Variants in PRKN observed in about 807,000 individuals in gnomAD.
The protein encoded by PRKN is parkin RBR E3 ubiquitin protein ligase.
A neutral mutation model predicts 59.5 loss-of-function variants in PRKN; 56 were observed. The observed-to-expected ratio is 0.94, with a 90% CI of 0.76 to 1.18. The LOEUF (loss-of-function observed/expected upper bound fraction) is 1.18. PRKN is among the 50% of genes most tolerant of loss of function. PRKN has a pLI of 0.00. For missense variants in PRKN, 657 were observed against 596.4 expected, an observed-to-expected ratio of 1.10 and a Z score of -1.06; for synonymous variants, 250 against 222.1, an observed-to-expected ratio of 1.13 and a Z score of -1.12.
chr6:162,658,658 C>CAAAAAAA (rs57853171), intron 1 of PRKN, among the ~76,000 whole-genome samples: 4 of 109,096 alleles, frequency 3.7e-5, no homozygotes, highest in Non-Finnish European at 7.4e-5. Context: ...GAGACTCTGT[C>CAAAAAAA]AAAAAAAAAA....
At position 161,467,216 on chromosome 6, in the gene PRKN, A is replaced by T. The variant is rs1178562939; in HGVS notation, c.1084-80339T>A. Among the ~76,000 whole-genome samples the T allele has an allele frequency of 6.6e-6, 1 of 152,136 alleles. No individual in the cohort carries two copies. Among genetic ancestry groups the T allele is most frequent in the African/African-American group, 2.4e-5 (1 of 41,414 alleles). On this transcript the variant is annotated intron_variant, in intron 9 of 11. Transcript: ENST00000366898. This position sits in a 1 kb window ranked among gnomAD's most constrained non-coding sequence, Gnocchi z 4.3. ...TGGCATTTTGAGAGAGACTTCTTCC[A>T]TCTACACCCTTCTGTCTTAAGTATA... is the stretch of plus-strand genomic sequence containing the variant.
chr6:162,109,825 T>C (rs1780346125), intron 4 of PRKN, among the ~76,000 whole-genome samples: 1 of 152,228 alleles, frequency 6.6e-6, no homozygotes, highest in South Asian at 2.1e-4. Context: ...AGTCAAACTG[T>C]TTCCTGGTAC....
intron 9 of PRKN, among the ~76,000 whole-genome samples, chr6:161,505,431 T>A (rs1583164229): frequency 6.6e-6 from 1 of 151,462 alleles, no homozygotes; most frequent in Non-Finnish European, 1.5e-5. Context: ...ATTAGCCCTT[T>A]GTCAGATGAG....
chr6:161,954,099 C>A (rs1251603514), intron 6 of PRKN, among the ~76,000 whole-genome samples: 1 of 152,130 alleles, frequency 6.6e-6, no homozygotes, highest in African/African-American at 2.4e-5. Flanking sequence ...TAAGTTTGGG[C>A]AGGAAGAGAT....
intron 6 of PRKN, among the ~76,000 whole-genome samples, chr6:161,795,228 C>CTTTTTTTTTTTTTT (rs58319044): frequency 2.7e-4 from 35 of 128,394 alleles, no homozygotes; most frequent in East Asian, 6.9e-4. Context: ...GTTTTCTTTT[C>CTTTTTTTTTTTTTT]TTTTTTTTTT....
At chr6:161,563,755 T>C (rs1461879925) in intron 8 of PRKN, among the ~76,000 whole-genome samples, 1 of 152,110 alleles carries the variant, frequency 6.6e-6, no homozygotes, top group Non-Finnish European at 1.5e-5. Flanking sequence ...AAATTAGAGG[T>C]CTGCTGTGGG....
intron 4 of PRKN, among the ~76,000 whole-genome samples, chr6:162,160,482 T>C (rs1003969396): frequency 2.0e-5 from 3 of 152,138 alleles, no homozygotes; most frequent in African/African-American, 7.2e-5. Context: ...ATGATAGCAG[T>C]GATAGTTTCA....
At position 162,026,878 on chromosome 6, in the gene PRKN, A is replaced by G. The variant is rs183840581; in HGVS notation, c.618+27213T>C. On this transcript the variant is annotated intron_variant, in intron 5 of 11. Transcript: ENST00000366898. ...TTAATAGCTTGCTTTTCATAAAATA[A>G]TGATGGTGAGAAGTTAATATTTATT... 2.8e-4 allele frequency among the ~76,000 whole-genome samples: 43 copies of G among 152,316 alleles called. No homozygotes were observed. In the East Asian group the frequency reaches 7.1e-3, roughly 25 times the overall value.
chr6:162,119,409 A>T (rs143984343), intron 4 of PRKN, among the ~76,000 whole-genome samples: 1 of 152,016 alleles, frequency 6.6e-6, no homozygotes, highest in African/African-American at 2.4e-5. Flanking sequence ...ACTCTTCCAC[A>T]CTCTGCTCTG....
intron 4 of PRKN, among the ~76,000 whole-genome samples, chr6:162,074,942 T>C (rs1778757877): frequency 6.6e-6 from 1 of 152,214 alleles, no homozygotes. Flanking sequence ...ATTTTTTTTG[T>C]TGTTCCGTTT....
rs73600931 is a variant in PRKN at position 161,357,890 on chromosome 6, A to C, written c.1285+2198T>G. Among the ~76,000 whole-genome samples the C allele has an allele frequency of 7.0e-3, 1,065 of 152,320 alleles. 11 individuals carry two copies. The highest frequency in any genetic ancestry group is 0.024 in the African/African-American group (1,004 of 41,562). On this transcript the variant is annotated intron_variant, in intron 11 of 11. Coordinates refer to ENST00000366898, the MANE Select transcript of PRKN (RefSeq NM_004562.3). The surrounding 1 kb of genome is among the most constrained non-coding windows in gnomAD (Gnocchi z 5.5). ...ACTCCTCCTGCCCATGCTGTGAGGA[A>C]GTCCCATTGAAACCCATCTTATGAA...
intron 1 of PRKN, among the ~76,000 whole-genome samples, chr6:162,579,192 G>C (rs922809810): frequency 6.6e-6 from 1 of 152,128 alleles, no homozygotes; most frequent in South Asian, 2.1e-4. Flanking sequence ...CCAGTCCATT[G>C]AATCTATCTG....
intron 1 of PRKN, among the ~76,000 whole-genome samples, chr6:162,515,574 G>C (rs1777813469): frequency 6.6e-6 from 1 of 152,148 alleles, no homozygotes; most frequent in Non-Finnish European, 1.5e-5. Flanking sequence ...CAAAGTATTG[G>C]TAAGTATTGG....
chr6:162,091,772 C>T (rs1170494549), intron 4 of PRKN, among the ~76,000 whole-genome samples: 2 of 152,166 alleles, frequency 1.3e-5, no homozygotes, highest in African/African-American at 2.4e-5. Context: ...TGCCGTGACT[C>T]AATCCTGTAA....
intron 1 of PRKN, among the ~76,000 whole-genome samples, chr6:162,454,051 T>C (rs570743946): frequency 6.6e-6 from 1 of 152,314 alleles, no homozygotes; most frequent in Non-Finnish European, 1.5e-5. Context: ...ACTTTGTACC[T>C]CATCAAAAAT....
intron 6 of PRKN, among the ~76,000 whole-genome samples, chr6:161,913,977 C>G (rs983390135): frequency 1.3e-5 from 2 of 152,090 alleles, no homozygotes; most frequent in African/African-American, 4.8e-5. Flanking sequence ...TCGGCTGGAG[C>G]CTTCGACTTG....
At chr6:162,686,167 C>T (rs933541837) in intron 1 of PRKN, among the ~76,000 whole-genome samples, 2 of 151,968 alleles carry the variant, frequency 1.3e-5, no homozygotes, top group African/African-American at 4.8e-5. Context: ...AGGAAGTGAT[C>T]AATCAAATGA....
chr6:161,739,037 G>A (rs185203127), intron 7 of PRKN, among the ~76,000 whole-genome samples: 1 of 152,316 alleles, frequency 6.6e-6, no homozygotes, highest in East Asian at 1.9e-4. Flanking sequence ...TGATATGCCA[G>A]GATCCTCTTA....
intron 9 of PRKN, among the ~76,000 whole-genome samples, chr6:161,532,166 C>CTCTCTCTCTCTA (rs1355724171): frequency 8.7e-6 from 1 of 115,420 alleles, no homozygotes; most frequent in African/African-American, 3.3e-5. Flanking sequence ...CTCTCTCTCT[C>CTCTCTCTCTCTA]TATATATATA....
Sources: gnomAD v4.1 joint callset for allele counts (sites outside exome capture counted in the v4.1 genomes callset) on GRCh38, gnomAD v4.1.1 for gene constraint, Gnocchi (gnomAD v3.1) non-coding constraint, MANE v1.5 for transcripts, NCBI Gene and HGNC (gene_info 2026-07-23, HGNC 2026-07-21) for gene names.